PRKN: variants seen among roughly 807,000 people sequenced by gnomAD.
PRKN encodes parkin RBR E3 ubiquitin protein ligase.
A neutral mutation model predicts 59.5 loss-of-function variants in PRKN; 56 were observed. That is an observed-to-expected ratio of 0.94 (90% CI 0.76 to 1.18). The LOEUF (loss-of-function observed/expected upper bound fraction) is 1.18, where lower values mean the gene tolerates loss of function less well. Among genes scored for constraint, PRKN ranks in the 50% most tolerant of loss-of-function variants. The pLI, the probability that PRKN is intolerant of heterozygous loss-of-function variation, is 0.00. For missense variants in PRKN, 657 were observed against 596.4 expected (o/e 1.10, Z -1.06); for synonymous variants, 250 against 222.1 (o/e 1.13, Z -1.12).
At chr6:161,926,190 C>T (rs1242233266) in intron 6 of PRKN, among the ~76,000 whole-genome samples, 1 of 152,166 alleles carries the variant, frequency 6.6e-6, no homozygotes, top group Non-Finnish European at 1.5e-5. Context: ...TCGTTCTTGA[C>T]CTGTAGAAAG....
At chr6:162,714,761 A>T (rs990902946) in intron 1 of PRKN, among the ~76,000 whole-genome samples, 2 of 152,232 alleles carry the variant, frequency 1.3e-5, no homozygotes, top group African/African-American at 4.8e-5. Context: ...CCAATGAAGC[A>T]AAAGTGCATT....
At chr6:161,786,551 T>C (rs1282260981) in intron 6 of PRKN, among the ~76,000 whole-genome samples, 1 of 152,128 alleles carries the variant, frequency 6.6e-6, no homozygotes, top group Non-Finnish European at 1.5e-5. Context: ...TTCAAAATTC[T>C]GCTATCCCAC....
chr6:161,416,972 A>C (rs553770779), intron 9 of PRKN, among the ~76,000 whole-genome samples: 11 of 152,280 alleles, frequency 7.2e-5, no homozygotes, highest in African/African-American at 2.6e-4. Context: ...GAGGTACCAG[A>C]AAGAAGAAAG....
At chr6:161,536,294 A>G (rs950274355) in intron 9 of PRKN, among the ~76,000 whole-genome samples, 4 of 152,118 alleles carry the variant, frequency 2.6e-5, no homozygotes, top group Non-Finnish European at 5.9e-5. Context: ...TGAACTCTAG[A>G]AGGGCCTGGA....
At chr6:161,716,091 T>TC (rs1262526347) in intron 7 of PRKN, 3 of 1,345,802 alleles carry the variant, frequency 2.2e-6, no homozygotes, top group Non-Finnish European at 2.9e-6. Flanking sequence ...CTCTCCTGAA[T>TC]CCCCCCAGAG....
chr6:162,534,105 G>A (rs1277039014), intron 1 of PRKN, among the ~76,000 whole-genome samples: 11 of 152,106 alleles, frequency 7.2e-5, no homozygotes, highest in Admixed American at 6.6e-4. Context: ...AATATTTGGG[G>A]CATGCAAAAC....
chr6:161,416,203 C>A (rs568089703), intron 9 of PRKN, among the ~76,000 whole-genome samples: 10 of 152,238 alleles, frequency 6.6e-5, no homozygotes, highest in African/African-American at 1.7e-4. Flanking sequence ...TGTCTGTGGC[C>A]ACTTTCACAG....
chr6:162,166,359 G>C (rs1319718542), intron 4 of PRKN, among the ~76,000 whole-genome samples: 1 of 152,132 alleles, frequency 6.6e-6, no homozygotes, highest in Non-Finnish European at 1.5e-5. Flanking sequence ...AAAAAAATCA[G>C]AAGTGTTTCT....
rs548096093 is a variant in PRKN, at chr6:161,587,029, G to A, written c.872-17613C>T. Among the ~76,000 whole-genome samples the A allele has an allele frequency of 5.3e-5, 8 of 152,194 alleles. No homozygotes were observed. The South Asian group carries it at 1.5e-3, about 28-fold the overall frequency. On this transcript the variant is annotated intron_variant, in intron 7 of 11. Transcript: ENST00000366898. ...CTGCCTTGTTTTCACTACACTTACCGCTATTGAGGGGCCTTAAAATAGCTC... is the reference window on the plus strand; with the variant it reads ...CTGCCTTGTTTTCACTACACTTACCACTATTGAGGGGCCTTAAAATAGCTC...
At chr6:162,135,299 G>C (rs765401010) in intron 4 of PRKN, among the ~76,000 whole-genome samples, 30 of 151,980 alleles carry the variant, frequency 2.0e-4, no homozygotes, top group Non-Finnish European at 4.4e-4. Context: ...ACCAGGACTA[G>C]CTAAAACACC....
chr6:162,659,324 C>CAT (rs10639878), intron 1 of PRKN, among the ~76,000 whole-genome samples: 134,333 of 152,060 alleles, frequency 0.88, 59,569 homozygotes, highest in East Asian at 0.96. Flanking sequence ...TGATTTGTGA[C>CAT]AGATAACATT....
At chr6:161,897,173 G>A (rs911807085) in intron 6 of PRKN, among the ~76,000 whole-genome samples, 8 of 152,168 alleles carry the variant, frequency 5.3e-5, no homozygotes, top group African/African-American at 1.7e-4. Context: ...CCTCTTCTTT[G>A]TTCGAGCTCA....
rs34838356 is a variant in PRKN at position 162,414,726 on chromosome 6, A to AAAAAAAAAAAAAAAAAGT, written c.171+28583_171+28584insACTTTTTTTTTTTTTTTT. Reference sequence around the variant, plus strand: ...ACTCCGTCTCAAAAAAAAAAAAAAAAAGTGAATCTTTGAAGTTTTAAAATA... The same window carrying AAAAAAAAAAAAAAAAAGT: ...ACTCCGTCTCAAAAAAAAAAAAAAAAAAAAAAAAAAAAAAAAGTAGTGAATCTTTGAAGTTTTAAAATA... On this transcript the variant is annotated intron_variant, in intron 2 of 11. Transcript: ENST00000366898. Among the ~76,000 whole-genome samples the AAAAAAAAAAAAAAAAAGT allele has an allele frequency of 5.3e-3, 489 of 91,732 alleles. 83 individuals are homozygous for AAAAAAAAAAAAAAAAAGT. Among genetic ancestry groups the AAAAAAAAAAAAAAAAAGT allele is most frequent in the East Asian group, 7.1e-3 (19 of 2,678 alleles). 60.2% of individuals were successfully genotyped at this position (91,732 alleles called of 152,430 possible).
chr6:161,406,349 C>T (rs1013383250), intron 9 of PRKN, among the ~76,000 whole-genome samples: 3 of 151,966 alleles, frequency 2.0e-5, no homozygotes, highest in Admixed American at 1.3e-4. Context: ...GGTGCTGATC[C>T]ACTATGGGCA....
chr6:161,649,687 T>C (rs2128161112), intron 7 of PRKN, among the ~76,000 whole-genome samples: 1 of 152,340 alleles, frequency 6.6e-6, no homozygotes, highest in Non-Finnish European at 1.5e-5. Context: ...ATGACTAAAA[T>C]GCCAGACCCA....
intron 1 of PRKN, among the ~76,000 whole-genome samples, chr6:162,708,497 T>C (rs1248658362): frequency 1.3e-5 from 2 of 152,220 alleles, no homozygotes; most frequent in African/African-American, 4.8e-5. Context: ...GGAAAGCTGC[T>C]TCCTTTGAAA....
At chr6:161,609,545 G>A (rs971009050) in intron 7 of PRKN, among the ~76,000 whole-genome samples, 6 of 152,306 alleles carry the variant, frequency 3.9e-5, no homozygotes, top group African/African-American at 1.2e-4. Context: ...AGGTTTCTTT[G>A]ATGAAATATT....
chr6:162,526,422 C>T (rs375802401), intron 1 of PRKN, among the ~76,000 whole-genome samples: 9 of 151,390 alleles, frequency 5.9e-5, no homozygotes, highest in South Asian at 2.1e-4. Flanking sequence ...GAGGCCGAGG[C>T]GGGCAGATCA....
intron 6 of PRKN, among the ~76,000 whole-genome samples, chr6:161,906,942 C>G (rs1778172950): frequency 6.6e-6 from 1 of 152,054 alleles, no homozygotes; most frequent in Non-Finnish European, 1.5e-5. Context: ...ATTCTGGCTA[C>G]ACTGGCAGCT....
Sources: gnomAD v4.1 joint callset for allele counts (sites outside exome capture counted in the v4.1 genomes callset) on GRCh38, gnomAD v4.1.1 for gene constraint, MANE v1.5 for transcripts, NCBI Gene and HGNC (gene_info 2026-07-23, HGNC 2026-07-21) for gene names.